ENO4: variants seen among roughly 807,000 people sequenced by gnomAD.
The protein encoded by ENO4 is 2-phospho-D-glycerate hydro-lyase.
A neutral mutation model predicts 63.2 loss-of-function variants in ENO4; 53 were observed. That is an observed-to-expected ratio of 0.84 (90% CI 0.67 to 1.05). The LOEUF (loss-of-function observed/expected upper bound fraction) is 1.05. ENO4 is among the 50% of genes least tolerant of loss of function. The pLI is 0.00. For missense variants in ENO4, 719 were observed against 772.0 expected, an observed-to-expected ratio of 0.93 and a Z score of 0.81; for synonymous variants, 266 against 283.8, an observed-to-expected ratio of 0.94 and a Z score of 0.63.
chr10:116,855,043 C>T (rs61872982), intron 1 of ENO4, among the ~76,000 whole-genome samples: 2,283 of 151,784 alleles, frequency 0.015, 21 homozygotes, highest in Non-Finnish European at 0.022. Flanking sequence ...GCCTGTAATC[C>T]CAGCACTTTG....
intron 10 of ENO4, among the ~76,000 whole-genome samples, chr10:116,889,787 A>C (rs899099000): frequency 2.0e-5 from 3 of 152,122 alleles, no homozygotes; most frequent in South Asian, 2.1e-4. Flanking sequence ...ATCCGTTTCC[A>C]TCTCCATCTT....
chr10:116,888,970 C>T (rs531304297), intron 10 of ENO4, among the ~76,000 whole-genome samples: 58 of 152,342 alleles, frequency 3.8e-4, no homozygotes, highest in South Asian at 1.0e-3. Flanking sequence ...GTCACCAGTA[C>T]GAAGGTTTCA....
chr10:116,871,032 G>T, intron 8 of ENO4, 93 bp from the exon 9 acceptor site: 1 of 1,100,556 alleles, frequency 9.1e-7, no homozygotes, highest in South Asian at 1.5e-5. Flanking sequence ...TCTTTGCAGA[G>T]CTATATCTGA....
At chr10:116,906,256 G>GGGC (rs1238104867) in intron 10 of ENO4, among the ~76,000 whole-genome samples, 1 of 152,184 alleles carries the variant, frequency 6.6e-6, no homozygotes, top group Non-Finnish European at 1.5e-5. Flanking sequence ...ATTTGCTTAA[G>GGGC]GGCAACCAGC....
chr10:116,881,590 C>A lies in ENO4; in HGVS notation c.1799C>A (p.Ala600Glu), dbSNP rs574707425. The change falls in exon 14 of 14, where the codon GCG (alanine) becomes GAG (glutamate). Residue 600 changes from alanine (A) to glutamate (E), a missense_variant. By Grantham distance (107) the Ala-to-Glu change is moderately radical. This residue lies in a region of ENO4 where 168 missense variants were observed against 163.3 expected (regional missense o/e 1.03). Transcript: ENST00000341276. ...GCTGCGGAGGCACTTGAGGCTGCTG[C>A]GGCTAGGGAGCCGCTGGTGCCCACC... ...EKAAEALEAAAAREPLVPTFP... is the reference protein window; with the variant it reads ...EKAAEALEAAEAREPLVPTFP... 1 of 1,550,302 alleles carries A rather than the reference C, an allele frequency of 6.5e-7. No individual in the cohort carries two copies. Among genetic ancestry groups the A allele is most frequent in the South Asian group, 1.2e-5 (1 of 83,986 alleles).
At chr10:116,869,834 G>A (rs984058509) in intron 8 of ENO4, among the ~76,000 whole-genome samples, 1 of 152,138 alleles carries the variant, frequency 6.6e-6, no homozygotes, top group Non-Finnish European at 1.5e-5. Flanking sequence ...CAAGAATTAG[G>A]GGTATAAACT....
intron 10 of ENO4, chr10:116,901,639 A>AAAG: frequency 7.4e-7 from 1 of 1,353,126 alleles, no homozygotes; most frequent in Middle Eastern, 2.7e-4. Flanking sequence ...CATCAAATGA[A>AAAG]AAGAAGAAGA....
chr10:116,871,041 G>GA, intron 8 of ENO4, 84 bp from the exon 9 acceptor site: 1 of 1,221,428 alleles, frequency 8.2e-7, no homozygotes, highest in South Asian at 1.4e-5. Flanking sequence ...AGCTATATCT[G>GA]ATCATAAACC....
chr10:116,855,841 T>C, intron 2 of ENO4, 90 bp downstream of exon 2: 1 of 1,347,818 alleles, frequency 7.4e-7, no homozygotes, highest in Non-Finnish European at 9.8e-7. Context: ...ATTATTGTTT[T>C]GAAATTCAGT....
downstream of ENO4, chr10:116,886,292 CAT>C (rs1847160156): frequency 6.4e-7 from 1 of 1,550,616 alleles, no homozygotes; most frequent in South Asian, 1.2e-5. Flanking sequence ...CAACACTAAT[CAT>C]GTGCTTATTG....
At chr10:116,889,725 C>G (rs1314165099) in intron 10 of ENO4, among the ~76,000 whole-genome samples, 1 of 152,222 alleles carries the variant, frequency 6.6e-6, no homozygotes, top group East Asian at 1.9e-4. Flanking sequence ...CTCCTAGAAA[C>G]AGGAGGCTAC....
At chr10:116,861,242 T>C (rs1442149558) in intron 6 of ENO4, 52 bp downstream of exon 6, 2 of 386,930 alleles carry the variant, frequency 5.2e-6, no homozygotes, top group Non-Finnish European at 8.0e-6. Context: ...AAAAAATATA[T>C]ATATATATAT....
At chr10:116,859,219 A>G in intron 4 of ENO4, 81 bp downstream of exon 4, 1 of 1,412,614 alleles carries the variant, frequency 7.1e-7, no homozygotes, top group African/African-American at 1.4e-5. Flanking sequence ...TGCCTTTCTG[A>G]GTCTCTTGGC....
chr10:116,892,248 T>G (rs1473921944), intron 10 of ENO4, among the ~76,000 whole-genome samples: 2 of 152,194 alleles, frequency 1.3e-5, no homozygotes, highest in Non-Finnish European at 2.9e-5. Context: ...TAGTGCAGGC[T>G]GGACTGCACA....
intron 10 of ENO4, among the ~76,000 whole-genome samples, chr10:116,910,027 A>G (rs751103420): frequency 3.3e-5 from 5 of 152,164 alleles, no homozygotes; most frequent in Non-Finnish European, 7.3e-5. Context: ...AATAATCCTA[A>G]CAGTCTGAAC....
At chr10:116,851,922 G>A (rs1846099707) in intron 1 of ENO4, among the ~76,000 whole-genome samples, 2 of 152,108 alleles carry the variant, frequency 1.3e-5, no homozygotes, top group Non-Finnish European at 2.9e-5. Flanking sequence ...CAGCTCCAAT[G>A]TCATTTCTTC....
intron 13 of ENO4, 27 bp from the exon 14 acceptor site, chr10:116,881,488 A>G (rs1847009367): frequency 6.6e-7 from 1 of 1,508,268 alleles, no homozygotes; most frequent in Non-Finnish European, 8.9e-7. Context: ...TGGATTAGAC[A>G]GTAAACTTTA....
chr10:116,878,897 C>A (rs1012691773), intron 11 of ENO4, among the ~76,000 whole-genome samples: 5 of 151,932 alleles, frequency 3.3e-5, no homozygotes, highest in Non-Finnish European at 5.9e-5. Context: ...GTGCCTACCA[C>A]CACGCCCGGC....
At chr10:116,872,152 G>A (rs1413911664) in intron 9 of ENO4, among the ~76,000 whole-genome samples, 9 of 152,156 alleles carry the variant, frequency 5.9e-5, no homozygotes, top group Non-Finnish European at 1.0e-4. Flanking sequence ...AGCCAAGATC[G>A]TGCCATTGCA....
Sources: gnomAD v4.1 joint callset for allele counts (sites outside exome capture counted in the v4.1 genomes callset) on GRCh38, gnomAD v4.1.1 for gene constraint, gnomAD v4.1.1 regional missense constraint, MANE v1.5 for transcripts, NCBI Gene and HGNC (gene_info 2026-07-23, HGNC 2026-07-21) for gene names.